Variants in PEBP4 observed in about 807,000 individuals in gnomAD.
The protein encoded by PEBP4 is phosphatidylethanolamine binding protein 4, also known as phosphatidylethanolamine-binding protein 4.
PEBP4 carries 22 observed loss-of-function variants against 23.9 expected under a neutral mutation model. The ratio of observed to expected loss-of-function variants is 0.92; its 90% CI spans 0.66 to 1.31. PEBP4 has a LOEUF of 1.31. PEBP4 is among the 40% of genes most tolerant of loss of function. The probability of loss-of-function intolerance (pLI) is 0.00; values close to 1 mark genes in which losing one functional copy is unlikely to be tolerated. For missense variants in PEBP4, 324 were observed against 281.7 expected (o/e 1.15, Z -1.07); for synonymous variants, 112 against 99.3 (o/e 1.13, Z -0.76).
At chr8:22,880,621 T>C (rs1476279248) in intron 3 of PEBP4, 1 of 152,456 alleles carries the variant, frequency 6.6e-6, no homozygotes. Context: ...ATGTGGGCTC[T>C]GGGGACAGCT....
intron 4 of PEBP4, among the ~76,000 whole-genome samples, chr8:22,778,644 G>T (rs937758933): frequency 6.6e-6 from 1 of 152,120 alleles, no homozygotes; most frequent in Non-Finnish European, 1.5e-5. Flanking sequence ...CTGATGGAGC[G>T]GGCCTGGGGC....
chr8:22,799,518 A>G (rs1275900285), intron 4 of PEBP4, among the ~76,000 whole-genome samples: 1 of 152,238 alleles, frequency 6.6e-6, no homozygotes, highest in Non-Finnish European at 1.5e-5. Context: ...GGCCAGGTTA[A>G]GGCTCACAAA....
chr8:22,934,477 T>C (rs1809507146), intron 1 of PEBP4, among the ~76,000 whole-genome samples: 1 of 149,590 alleles, frequency 6.7e-6, no homozygotes, highest in Admixed American at 6.6e-5. Context: ...GAATAAAACA[T>C]GTCACTACAA....
rs117438743 is a variant in PEBP4 at position 22,753,474 on chromosome 8, C to T, written c.358-26254G>A. 1.2e-3 allele frequency among the ~76,000 whole-genome samples: 189 copies of T among 152,298 alleles called. 3 individuals carry two copies. In the East Asian group the frequency reaches 0.034, roughly 27 times the overall value. The stretch of plus-strand genomic sequence containing the variant: ...TTTCTTCCCTTGGATATAGCTGGCT[C>T]GAGTGAAGCAGCCTTCTTTTAATCT... On this transcript the variant is annotated intron_variant, in intron 4 of 6. Transcript: ENST00000256404.
At chr8:22,744,085 G>T (rs10780147) in intron 4 of PEBP4, among the ~76,000 whole-genome samples, 39,235 of 152,148 alleles carry the variant, frequency 0.26, 5,264 homozygotes, top group Middle Eastern at 0.31. Context: ...CTCCCTGAGA[G>T]ACTCAAGTTG....
At chr8:22,747,004 T>G (rs1343987007) in intron 4 of PEBP4, among the ~76,000 whole-genome samples, 1 of 147,926 alleles carries the variant, frequency 6.8e-6, no homozygotes, top group Non-Finnish European at 1.5e-5. Context: ...TTTTATAATT[T>G]TAAAATTTTT....
At position 22,904,980 on chromosome 8, in the gene PEBP4, A is replaced by AG. The variant is rs536792874; in HGVS notation, c.258+15203_258+15204insC. Reference sequence around the variant, plus strand: ...TTTTATGTGTTTCTCTGATTAAGTAATCAGATTAGAATAAATTCCTAGAGC... The same window carrying AG: ...TTTTATGTGTTTCTCTGATTAAGTAAGTCAGATTAGAATAAATTCCTAGAGC... On this transcript the variant is annotated intron_variant, in intron 3 of 6. Transcript: ENST00000256404. Among the ~76,000 whole-genome samples the AG allele has an allele frequency of 9.2e-5, 14 of 152,314 alleles. No homozygotes were observed. The South Asian group carries it at 2.9e-3, about 32-fold the overall frequency.
At chr8:22,799,265 T>A (rs751604263) in intron 4 of PEBP4, among the ~76,000 whole-genome samples, 2 of 152,206 alleles carry the variant, frequency 1.3e-5, no homozygotes, top group Non-Finnish European at 2.9e-5. Flanking sequence ...TTCCTTTGAG[T>A]GGCCCAGCCA....
At chr8:22,783,122 G>C (rs923160386) in intron 4 of PEBP4, among the ~76,000 whole-genome samples, 1 of 152,220 alleles carries the variant, frequency 6.6e-6, no homozygotes, top group African/African-American at 2.4e-5. Flanking sequence ...GCCAGGTCTT[G>C]CACTTCCCTG....
intron 4 of PEBP4, among the ~76,000 whole-genome samples, chr8:22,784,973 G>A (rs1212657036): frequency 1.3e-5 from 2 of 152,214 alleles, no homozygotes; most frequent in African/African-American, 2.4e-5. Context: ...CACTGCTTGC[G>A]TGAAGGAACA....
In PEBP4 at chr8:22,788,575, C is replaced by T. The variant is rs571365608; in HGVS notation, c.357+29062G>A. Among the ~76,000 whole-genome samples, 6 of 152,286 alleles carry T rather than the reference C, an allele frequency of 3.9e-5. No individual in the cohort carries two copies. In the East Asian group the frequency reaches 5.8e-4, roughly 15 times the overall value. On this transcript the variant is annotated intron_variant, in intron 4 of 6. Transcript: ENST00000256404. ...CCTACACGTGTCCCATCCTGGGCCT[C>T]GGTTTCCTCATCTGTAAACTGGAGA...
intron 2 of PEBP4, among the ~76,000 whole-genome samples, chr8:22,924,468 A>G (rs1237468697): frequency 6.6e-6 from 1 of 152,172 alleles, no homozygotes; most frequent in African/African-American, 2.4e-5. Flanking sequence ...GGGGCAGGGC[A>G]GGGCATGGCA....
At chr8:22,830,817 T>C (rs1257445504) in intron 3 of PEBP4, among the ~76,000 whole-genome samples, 1 of 152,136 alleles carries the variant, frequency 6.6e-6, no homozygotes, top group Non-Finnish European at 1.5e-5. Flanking sequence ...ACCACCATCT[T>C]TTGTCTTGGC....
intron 4 of PEBP4, among the ~76,000 whole-genome samples, chr8:22,751,889 C>G (rs4872548): frequency 0.1 from 15,106 of 151,678 alleles, 1,057 homozygotes; most frequent in South Asian, 0.2. Flanking sequence ...ACTCAACCAC[C>G]CTCTCTTTCT....
chr8:22,810,669 G>GGTGTGTGTGTGTGTGT (rs60078589), intron 4 of PEBP4, among the ~76,000 whole-genome samples: 6 of 129,198 alleles, frequency 4.6e-5, no homozygotes, highest in African/African-American at 1.2e-4. Flanking sequence ...CTCATGGAGG[G>GGTGTGTGTGTGTGTGT]GTGTGTGTGT....
intron 3 of PEBP4, chr8:22,886,313 G>A (rs1296392551): frequency 1.3e-5 from 2 of 152,206 alleles, no homozygotes; most frequent in East Asian, 3.9e-4. Flanking sequence ...CTGGTCAAGA[G>A]GAAATTCAAC....
upstream of PEBP4, among the ~76,000 whole-genome samples, chr8:22,928,327 T>C (rs56066648): frequency 0.4 from 60,417 of 152,036 alleles, 12,831 homozygotes; most frequent in East Asian, 0.6. Flanking sequence ...TGGGGGTAGG[T>C]GCACCCCAGA....
intron 3 of PEBP4, among the ~76,000 whole-genome samples, chr8:22,913,302 G>A (rs562355365): frequency 6.6e-6 from 1 of 152,254 alleles, no homozygotes; most frequent in African/African-American, 2.4e-5. Flanking sequence ...CTGGCCCCAT[G>A]CAGCCTCTCC....
intron 3 of PEBP4, among the ~76,000 whole-genome samples, chr8:22,851,008 G>A (rs1000272102): frequency 2.6e-5 from 4 of 152,200 alleles, no homozygotes; most frequent in Non-Finnish European, 5.9e-5. Flanking sequence ...ACAGCATTTG[G>A]GCAAACATCA....
Sources: allele counts gnomAD v4.1 joint callset (sites outside exome capture counted in the v4.1 genomes callset), GRCh38; gene constraint gnomAD v4.1.1; transcripts MANE v1.5; gene names NCBI Gene and HGNC (gene_info 2026-07-23, HGNC 2026-07-21).